PRIM2: variants seen among roughly 807,000 people sequenced by gnomAD.
PRIM2 encodes DNA primase subunit 2.
Under a neutral mutation model 67.3 loss-of-function variants are expected in PRIM2, and 39 were observed. The ratio of observed to expected loss-of-function variants is 0.58; its 90% confidence interval spans 0.45 to 0.76. The LOEUF is 0.76. PRIM2 is among the 30% of genes least tolerant of loss of function. The pLI, the probability that PRIM2 is intolerant of heterozygous loss-of-function variation, is 0.00. For synonymous variants in PRIM2, 143 were observed against 198.7 expected (o/e 0.72, Z 2.36); for missense variants, 398 against 598.7 (o/e 0.66, Z 3.50).
At chr6:57,248,176 G>C in the PRIM2 span, among the ~76,000 whole-genome samples, 39 of 152,266 alleles carry the variant, frequency 2.6e-4, no homozygotes, top group African/African-American at 8.7e-4. Context: ...CAAGGAAGAA[G>C]AGTACCCAGG....
intron 7 of PRIM2, among the ~76,000 whole-genome samples, chr6:57,437,476 CCTA>C (rs1276632206): frequency 1.3e-5 from 2 of 152,156 alleles, no homozygotes; most frequent in African/African-American, 2.4e-5. Flanking sequence ...AACTTTCTCT[CCTA>C]CTCTTTACTT....
intron 7 of PRIM2, among the ~76,000 whole-genome samples, chr6:57,433,700 A>T (rs116913534): frequency 6.6e-6 from 1 of 152,170 alleles, no homozygotes; most frequent in African/African-American, 2.4e-5. Flanking sequence ...TAGTGGTTAA[A>T]TTATTCAAGA....
At chr6:57,589,895 G>A (rs1241371201) in intron 10 of PRIM2, among the ~76,000 whole-genome samples, 1 of 152,126 alleles carries the variant, frequency 6.6e-6, no homozygotes, top group Non-Finnish European at 1.5e-5. Context: ...TTCCAGCCCA[G>A]GCATTGGGGA....
At chr6:57,230,639 T>C in the PRIM2 span, among the ~76,000 whole-genome samples, 3 of 152,220 alleles carry the variant, frequency 2.0e-5, no homozygotes, top group African/African-American at 7.2e-5. Flanking sequence ...AGATACCCAA[T>C]GTCAGTCTTT....
intron 10 of PRIM2, among the ~76,000 whole-genome samples, chr6:57,574,311 A>C (rs1444558667): frequency 6.6e-6 from 1 of 152,078 alleles, no homozygotes; most frequent in Non-Finnish European, 1.5e-5. Context: ...CTTTGCTACC[A>C]AGGCTTTTGA....
intron 10 of PRIM2, among the ~76,000 whole-genome samples, chr6:57,567,521 A>G (rs1207049934): frequency 4.6e-5 from 7 of 152,292 alleles, no homozygotes; most frequent in African/African-American, 7.2e-5. Context: ...GTTTATCAGG[A>G]CATAACCCCA....
the PRIM2 span, among the ~76,000 whole-genome samples, chr6:57,284,680 T>C: frequency 6.6e-6 from 1 of 152,130 alleles, no homozygotes; most frequent in Non-Finnish European, 1.5e-5. Flanking sequence ...AAGTAACAAA[T>C]TACTAACTTT....
intron 7 of PRIM2, among the ~76,000 whole-genome samples, chr6:57,448,114 T>C (rs1240504982): frequency 6.6e-6 from 1 of 152,232 alleles, no homozygotes; most frequent in Non-Finnish European, 1.5e-5. Context: ...ATGCACTTTC[T>C]CCAGTGCCGA....
At chr6:57,378,025 A>G (rs1182790128) in intron 5 of PRIM2, among the ~76,000 whole-genome samples, 11 of 151,470 alleles carry the variant, frequency 7.3e-5, no homozygotes. Context: ...CCATTCAGTG[A>G]TGTAAAACAG....
At chr6:57,537,681 A>G in intron 10 of PRIM2, 56 bp downstream of exon 10, 1 of 1,151,974 alleles carries the variant, frequency 8.7e-7, no homozygotes, top group Admixed American at 3.2e-5. Flanking sequence ...TGGTCTGAAA[A>G]TGAAACGGTC....
chr6:57,536,535 C>T (rs1277335750), intron 9 of PRIM2, among the ~76,000 whole-genome samples: 2 of 152,154 alleles, frequency 1.3e-5, no homozygotes, highest in African/African-American at 4.8e-5. Context: ...ACATAAAAAC[C>T]TCTTCAAGAA....
intron 7 of PRIM2, among the ~76,000 whole-genome samples, chr6:57,456,469 G>C (rs1269885480): frequency 6.6e-6 from 1 of 152,200 alleles, no homozygotes; most frequent in South Asian, 2.1e-4. Flanking sequence ...ATATTTCTTG[G>C]AGGCTTTGTT....
In PRIM2 at chr6:57,596,218, G is replaced by A. The variant is rs1462932520; in HGVS notation, c.1021-4875G>A. On this transcript the variant is annotated intron_variant, in intron 10 of 13. Transcript: ENST00000615550. Reference sequence around the variant, plus strand: ...TATTGTATCACAATATCACATCCAGGTGCCCATCAGCAAGAGCCTAGACAA... The same window carrying A: ...TATTGTATCACAATATCACATCCAGATGCCCATCAGCAAGAGCCTAGACAA... 4.0e-5 allele frequency among the ~76,000 whole-genome samples: 6 copies of A among 151,296 alleles called. No individual in the cohort carries two copies. In the South Asian group the frequency reaches 8.4e-4, roughly 21 times the overall value.
At chr6:57,253,203 A>G in the PRIM2 span, among the ~76,000 whole-genome samples, 1 of 152,088 alleles carries the variant, frequency 6.6e-6, no homozygotes, top group East Asian at 1.9e-4. Context: ...TAAAAAAAAA[A>G]ATAAACAGTA....
intron 5 of PRIM2, among the ~76,000 whole-genome samples, chr6:57,358,118 C>T (rs1769092786): frequency 6.6e-6 from 1 of 152,212 alleles, no homozygotes; most frequent in East Asian, 1.9e-4. Flanking sequence ...ACCCTAGAAA[C>T]TGTTTGGCCT....
intron 7 of PRIM2, among the ~76,000 whole-genome samples, chr6:57,462,783 C>T (rs1367810403): frequency 1.3e-5 from 2 of 152,100 alleles, no homozygotes; most frequent in South Asian, 2.1e-4. Flanking sequence ...TTATTTTTAA[C>T]AAAACTCTGA....
chr6:57,320,439 C>T lies in PRIM2; in HGVS notation c.155-18C>T. On this transcript the variant is annotated intron_variant, in intron 2 of 13. Transcript: ENST00000615550. The stretch of plus-strand genomic sequence containing the variant: ...TTAAAACATTATCTTGCATTTATAC[C>T]TTTTTTCTTTTTTTTAGTGTTAAAA... 1 of 1,523,766 alleles carries T rather than the reference C, an allele frequency of 6.6e-7. No homozygotes were observed. The allele number at this position is 1,523,766 out of a possible 1,614,324, so 94.4% of individuals were successfully genotyped here. A position where few individuals can be genotyped will look rare whatever the true frequency, so the allele number is the denominator to read the frequency against.
chr6:57,489,499 T>C (rs79075040), intron 7 of PRIM2, among the ~76,000 whole-genome samples: 1 of 142,550 alleles, frequency 7.0e-6, no homozygotes, highest in African/African-American at 2.5e-5. Flanking sequence ...GGAGCTTGCA[T>C]TGAGCCGAGA....
At position 57,380,041 on chromosome 6, in the gene PRIM2, C is replaced by T. The variant is rs747832483; in HGVS notation, c.555+45C>T. On this transcript the variant is annotated intron_variant, in intron 6 of 13. Coordinates refer to ENST00000615550, the MANE Select transcript of PRIM2 (RefSeq NM_000947.5). Reference sequence around the variant, plus strand: ...ACTTCCTAGGTTTTGTTAAATATGTCGCATTGAGCTTTATATACATATTTA... The same window carrying T: ...ACTTCCTAGGTTTTGTTAAATATGTTGCATTGAGCTTTATATACATATTTA... 31 of 1,463,410 alleles carry T rather than the reference C, an allele frequency of 2.1e-5. No homozygotes were observed. The East Asian group carries it at 4.0e-4, about 19-fold the overall frequency. 90.7% of individuals were successfully genotyped at this position (1,463,410 alleles called of 1,614,324 possible).
Sources: allele counts gnomAD v4.1 joint callset (sites outside exome capture counted in the v4.1 genomes callset), GRCh38; gene constraint gnomAD v4.1.1; transcripts MANE v1.5; gene names NCBI Gene and HGNC (gene_info 2026-07-23, HGNC 2026-07-21).